TEF: variants seen among roughly 807,000 people sequenced by gnomAD.
TEF encodes thyrotroph embryonic factor.
A neutral mutation model predicts 20.8 loss-of-function variants in TEF; 3 were observed. That is an observed-to-expected ratio of 0.14 (90% CI 0.07 to 0.37). The LOEUF is 0.37. Ranked by LOEUF, TEF falls within the 10% of genes least tolerant of loss-of-function variation. The pLI is 1.00. For missense variants in TEF, 296 were observed against 397.9 expected (o/e 0.74, Z 2.18); for synonymous variants, 180 against 171.1 (o/e 1.05, Z -0.41).
intron 1 of TEF, 89 bp from the exon 2 acceptor site, chr22:41,387,262 A>T (rs772976526): frequency 4.9e-6 from 7 of 1,414,714 alleles, no homozygotes; most frequent in Admixed American, 1.9e-5. Context: ...TCTGAGAAAG[A>T]TGGGCCAGGC....
In TEF at chr22:41,375,302, G is replaced by T. The variant is rs75593315; in HGVS notation, c.67+7703G>T. Among the ~76,000 whole-genome samples the T allele has an allele frequency of 3.5e-4, 53 of 152,268 alleles. No individual in the cohort carries two copies. The East Asian group carries it at 7.5e-3, about 22-fold the overall frequency. On this transcript the variant is annotated intron_variant, in intron 1 of 3. Transcript: ENST00000406644. ...CCTGGAACACACTGAGACCAAGGAG[G>T]GTACAAACCACAGAGCCCAGGCACA...
chr22:41,397,036 G>T lies in TEF; in HGVS notation c.*1076G>T, dbSNP rs1394294536. ...CTGGGCTGGAGTGCACTCTCCCTGG[G>T]GGCAGCTGGGGCCTCGCAATTCTTG... On this transcript the variant is annotated 3_prime_UTR_variant, in exon 4 of 4. Transcript: ENST00000266304. The T allele has an allele frequency of 5.0e-6, 2 of 398,682 alleles. No individual in the cohort carries two copies. Among genetic ancestry groups the T allele is most frequent in the Admixed American group, 8.8e-5 (2 of 22,700 alleles). 24.7% of individuals were successfully genotyped at this position (398,682 alleles called of 1,614,324 possible). A position where few individuals can be genotyped will look rare whatever the true frequency, so the allele number is the denominator to read the frequency against.
chr22:41,391,089 A>C (rs2037159600), intron 2 of TEF, among the ~76,000 whole-genome samples: 1 of 152,102 alleles, frequency 6.6e-6, no homozygotes, highest in Non-Finnish European at 1.5e-5. Flanking sequence ...GTCCCTGGTC[A>C]TTCACTCCTC....
upstream of TEF, among the ~76,000 whole-genome samples, chr22:41,380,782 TC>T (rs2037007369): frequency 6.6e-6 from 1 of 152,184 alleles, no homozygotes; most frequent in Non-Finnish European, 1.5e-5. Context: ...TCTGCGGAAC[TC>T]CCGGGGAGGC....
intron 1 of TEF, 23 bp from the exon 2 acceptor site, chr22:41,387,328 C>T: frequency 6.2e-7 from 1 of 1,612,824 alleles, no homozygotes; most frequent in Non-Finnish European, 8.5e-7. Context: ...TGTGGTATTT[C>T]ATCGCAGATT....
intron 1 of TEF, chr22:41,382,915 G>C (rs766523503): frequency 2.8e-4 from 133 of 471,074 alleles, no homozygotes; most frequent in Non-Finnish European, 4.9e-4. Flanking sequence ...TAGATTCTGG[G>C]GCCACGGCGG....
chr22:41,382,783 G>C (rs186912121), intron 1 of TEF, among the ~76,000 whole-genome samples: 3 of 151,246 alleles, frequency 2.0e-5, no homozygotes, highest in Non-Finnish European at 3.0e-5. Flanking sequence ...CTGAGCGGGT[G>C]GGGGGGGTGT....
At chr22:41,372,424 A>AT (rs1252564832) in intron 1 of TEF, among the ~76,000 whole-genome samples, 1 of 152,186 alleles carries the variant, frequency 6.6e-6, no homozygotes, top group East Asian at 1.9e-4. Context: ...CCAGGACTGT[A>AT]TTGTGTGTGC....
intron 1 of TEF, among the ~76,000 whole-genome samples, chr22:41,368,785 AAG>A (rs1182249349): frequency 6.6e-6 from 1 of 152,176 alleles, no homozygotes; most frequent in African/African-American, 2.4e-5. Flanking sequence ...ACCCTCTGAG[AAG>A]AGTGTCACAG....
At chr22:41,378,191 CAG>C (rs199942512), upstream of TEF, among the ~76,000 whole-genome samples, 4,006 of 121,292 alleles carry the variant, frequency 0.033, 208 homozygotes, top group African/African-American at 0.12. Flanking sequence ...TTTTTTGAGA[CAG>C]AGTCTCATTC....
At chr22:41,379,656 G>A (rs895169592), upstream of TEF, among the ~76,000 whole-genome samples, 1 of 152,210 alleles carries the variant, frequency 6.6e-6, no homozygotes, top group Non-Finnish European at 1.5e-5. Flanking sequence ...CCGGAGGTCA[G>A]GAGTTCGAGA....
upstream of TEF, chr22:41,381,781 A>G (rs968857531): frequency 1.1e-6 from 1 of 917,186 alleles, no homozygotes; most frequent in Admixed American, 4.6e-5. Context: ...TGCCCGACCA[A>G]TCACGGCCCG....
chr22:41,392,216 G>A (rs2037174927), intron 2 of TEF, among the ~76,000 whole-genome samples: 1 of 152,034 alleles, frequency 6.6e-6, no homozygotes, highest in Admixed American at 6.6e-5. Context: ...TAACCCAATC[G>A]GTGTCCACTA....
intron 1 of TEF, among the ~76,000 whole-genome samples, chr22:41,370,546 A>G (rs920104215): frequency 2.0e-4 from 29 of 144,234 alleles, no homozygotes; most frequent in Non-Finnish European, 3.2e-4. Context: ...CTGAGTAGCT[A>G]GGATTACAGG....
intron 1 of TEF, among the ~76,000 whole-genome samples, chr22:41,370,622 G>A (rs899828601): frequency 1.3e-5 from 2 of 151,852 alleles, no homozygotes; most frequent in African/African-American, 4.8e-5. Flanking sequence ...ATGTTGGCCA[G>A]GCTGGTCTCA....
intron 1 of TEF, chr22:41,369,172 G>A (rs1043284741): frequency 2.0e-6 from 2 of 985,182 alleles, no homozygotes; most frequent in African/African-American, 3.5e-5. Flanking sequence ...CTCAGATGAG[G>A]ATAACAAGGC....
At chr22:41,377,920 G>T (rs75065384), upstream of TEF, among the ~76,000 whole-genome samples, 161 of 152,172 alleles carry the variant, frequency 1.1e-3, no homozygotes, top group African/African-American at 3.8e-3. Context: ...TATTCGTTTT[G>T]GATAACTACA....
chr22:41,375,233 A>G lies in TEF; in HGVS notation c.67+7634A>G, dbSNP rs147484386. Among the ~76,000 whole-genome samples, 278 of 152,306 alleles carry G rather than the reference A, an allele frequency of 1.8e-3. 1 individual carries two copies. The highest frequency in any genetic ancestry group is 6.4e-3 in the African/African-American group (265 of 41,568). On this transcript the variant is annotated intron_variant, in intron 1 of 3. Coordinates refer to the TEF transcript ENST00000406644. ...ACTAGCACTTTTGAGAGTACTGACG[A>G]GGAGGGCAAGAATCAGTAAAGAGCC...
chr22:41,392,899 T>C (rs1383548998), intron 2 of TEF, among the ~76,000 whole-genome samples: 1 of 151,858 alleles, frequency 6.6e-6, no homozygotes, highest in Non-Finnish European at 1.5e-5. Flanking sequence ...TAGCCAGGCG[T>C]GGTGGCTTAT....
Sources: allele counts gnomAD v4.1 joint callset (sites outside exome capture counted in the v4.1 genomes callset), GRCh38; gene constraint gnomAD v4.1.1; transcripts MANE v1.5; gene names NCBI Gene and HGNC (gene_info 2026-07-23, HGNC 2026-07-21).